The following NEDD1 variants were observed in gnomAD, a reference collection of about 807,000 sequenced individuals.
NEDD1 encodes the protein protein NEDD1.
Under a neutral mutation model 74.0 loss-of-function variants are expected in NEDD1, and 33 were observed. The observed-to-expected ratio is 0.45, with a 90% CI of 0.34 to 0.60. The LOEUF is 0.60. NEDD1 is among the 20% of genes least tolerant of loss of function. NEDD1 has a pLI of 0.01. For missense variants in NEDD1, 746 were observed against 776.5 expected, an observed-to-expected ratio of 0.96 and a Z score of 0.47; for synonymous variants, 250 against 264.4, an observed-to-expected ratio of 0.95 and a Z score of 0.53.
At position 96,936,605 on chromosome 12, in the gene NEDD1, C is replaced by T. The variant is rs192012104; in HGVS notation, c.720-6C>T. On this transcript the variant is annotated splice_polypyrimidine_tract_variant and splice_region_variant and intron_variant, in intron 7 of 15. Coordinates refer to ENST00000266742, the MANE Select transcript of NEDD1 (RefSeq NM_152905.4). Reference sequence around the variant, plus strand: ...TTCTACACATACTTTGTTCTCCTTTCCAAAGGCTAGTGAAAACTTTAGTGG... The same window carrying T: ...TTCTACACATACTTTGTTCTCCTTTTCAAAGGCTAGTGAAAACTTTAGTGG... 2.3e-5 allele frequency: 37 copies of T among 1,606,200 alleles called. No homozygotes were observed. In the Admixed American group the frequency reaches 5.7e-4, roughly 25 times the overall value.
At chr12:96,951,210 C>T (rs762366234) in intron 14 of NEDD1, among the ~76,000 whole-genome samples, 4 of 151,824 alleles carry the variant, frequency 2.6e-5, no homozygotes, top group Admixed American at 1.3e-4. Flanking sequence ...GTAATAATTG[C>T]ATCTACTTGT....
Position 96,936,353 on chromosome 12 carries a change from A to G in NEDD1, c.720-258A>G, listed in dbSNP as rs541407688. Among the ~76,000 whole-genome samples, 224 of 151,684 alleles carry G rather than the reference A, an allele frequency of 1.5e-3. 1 individual carries two copies. The highest frequency in any genetic ancestry group is 2.5e-3 in the Non-Finnish European group (170 of 67,936). On this transcript the variant is annotated intron_variant, in intron 7 of 15. Coordinates refer to ENST00000266742, the MANE Select transcript of NEDD1 (RefSeq NM_152905.4). ...AATTAAAGAAATAGGTGCTGCTTCT[A>G]TAAGATGCAGAATGTACCTATTGGA...
intron 5 of NEDD1, among the ~76,000 whole-genome samples, chr12:96,918,177 T>G (rs78165489): frequency 0.013 from 1,985 of 151,812 alleles, 68 homozygotes; most frequent in East Asian, 0.095. Context: ...TGTTTTTTTT[T>G]TGTGTGTGTG....
chr12:96,920,376 ATAG>A (rs1018726245), intron 6 of NEDD1, among the ~76,000 whole-genome samples: 13 of 152,174 alleles, frequency 8.5e-5, no homozygotes, highest in African/African-American at 2.9e-4. Flanking sequence ...TAAAATACAA[ATAG>A]TTGTTAATAG....
At position 96,951,512 on chromosome 12, in the gene NEDD1, A is replaced by G. The variant is rs1227267623; in HGVS notation, c.1878+14A>G. 4.5e-6 allele frequency: 6 copies of G among 1,333,542 alleles called. No homozygotes were observed. Among genetic ancestry groups the G allele is most frequent in the Non-Finnish European group, 5.3e-6 (5 of 939,564 alleles). The allele number at this position is 1,333,542 out of a possible 1,614,324, so 82.6% of individuals were successfully genotyped here. On this transcript the variant is annotated intron_variant, in intron 15 of 15. Coordinates refer to ENST00000266742, the MANE Select transcript of NEDD1 (RefSeq NM_152905.4). ...CATATGCAACTGGTATGTATGGCAAATTTTATTTTAATATTTTAAATGAAA... is the reference window on the plus strand; with the variant it reads ...CATATGCAACTGGTATGTATGGCAAGTTTTATTTTAATATTTTAAATGAAA...
intron 6 of NEDD1, chr12:96,924,841 A>G: frequency 2.2e-6 from 1 of 453,838 alleles, no homozygotes; most frequent in East Asian, 7.0e-5. Context: ...AGGCTCTCCA[A>G]TCCAGTGTTG....
chr12:96,909,233 G>A lies in NEDD1; in HGVS notation c.-8-519G>A, dbSNP rs374812773. On this transcript the variant is annotated intron_variant, in intron 2 of 15. Transcript: ENST00000266742. ...AAGTGCTATGAAAAAAATGAAATCA[G>A]GTATTGGGATATAGGGTAAACTGCT... Among the ~76,000 whole-genome samples, 40 of 151,890 alleles carry A rather than the reference G, an allele frequency of 2.6e-4. No homozygotes were observed. In the East Asian group the frequency reaches 6.6e-3, roughly 25 times the overall value.
intron 2 of NEDD1, among the ~76,000 whole-genome samples, chr12:96,908,679 G>A (rs1385540358): frequency 6.6e-6 from 1 of 152,154 alleles, no homozygotes; most frequent in Non-Finnish European, 1.5e-5. Flanking sequence ...ACTTAGTGGC[G>A]TCTCATTTGA....
chr12:96,927,690 A>G (rs779097192), intron 6 of NEDD1, among the ~76,000 whole-genome samples: 6 of 152,224 alleles, frequency 3.9e-5, no homozygotes, highest in Non-Finnish European at 8.8e-5. Context: ...TGTTTTATGT[A>G]TAGATTTTGT....
At chr12:96,945,546 A>G (rs980872291) in intron 13 of NEDD1, 147 bp from the exon 14 acceptor site, 26 of 588,458 alleles carry the variant, frequency 4.4e-5, no homozygotes, top group Non-Finnish European at 6.9e-5. Flanking sequence ...TAAGATTTGT[A>G]TTCCAGACAG....
chr12:96,948,346 A>G (rs1037543234), intron 14 of NEDD1, among the ~76,000 whole-genome samples: 1 of 152,144 alleles, frequency 6.6e-6, no homozygotes. Context: ...ATTCTAAACT[A>G]TCAAGCAGTG....
intron 9 of NEDD1, among the ~76,000 whole-genome samples, chr12:96,939,712 C>G (rs940155765): frequency 2.0e-5 from 3 of 151,950 alleles, no homozygotes; most frequent in Non-Finnish European, 2.9e-5. Flanking sequence ...TTAAAAGGTC[C>G]CTACTCTAAA....
chr12:96,925,456 CCAGGACTTT>C (rs1875592287), intron 6 of NEDD1, among the ~76,000 whole-genome samples: 1 of 152,096 alleles, frequency 6.6e-6, no homozygotes, highest in African/African-American at 2.4e-5. Context: ...AAAACAGATT[CCAGGACTTT>C]CAGATCATAC....
At chr12:96,947,708 G>T (rs1403439195) in intron 14 of NEDD1, among the ~76,000 whole-genome samples, 4 of 152,204 alleles carry the variant, frequency 2.6e-5, no homozygotes, top group Admixed American at 2.6e-4. Flanking sequence ...CTGCCCTGCT[G>T]CCAGCTTTCG....
chr12:96,949,854 C>G (rs1323416391), intron 14 of NEDD1, among the ~76,000 whole-genome samples: 1 of 151,874 alleles, frequency 6.6e-6, no homozygotes, highest in Non-Finnish European at 1.5e-5. Context: ...AGTATAGATT[C>G]CATGCAATTG....
At position 96,920,114 on chromosome 12, in the gene NEDD1, G is replaced by A. The variant is rs761365260; in HGVS notation, c.478G>A (p.Gly160Ser). The change falls in exon 6 of 16, where the codon GGT becomes AGT. Residue 160 changes from glycine to serine, a missense_variant. By Grantham distance (56) the Gly-to-Ser change is moderately conservative. Around this residue, in one of 3 missense-constraint regions of NEDD1, gnomAD observed 706 missense variants for 706.7 expected, o/e 1.00. Coordinates refer to ENST00000266742, the MANE Select transcript of NEDD1 (RefSeq NM_152905.4). ...TTTATCTAGTACTCCTTTTGGCCAT[G>A]GTAGTAACCAGGTACAGTATGAGTT... is the stretch of plus-strand genomic sequence containing the variant. ...TNLSSTPFGH[G>S]SNQSVRHLKY... 2.4e-5 allele frequency: 39 copies of A among 1,592,876 alleles called. No homozygotes were observed. The highest frequency in any genetic ancestry group is 3.1e-5 in the Non-Finnish European group (36 of 1,166,852).
In NEDD1 at chr12:96,909,915, A is replaced by AACACAC. The variant is rs75007264; in HGVS notation, c.136+34_136+39dup. 1 of 1,343,556 alleles carries AACACAC rather than the reference A, an allele frequency of 7.4e-7. No individual in the cohort carries two copies. The highest frequency in any genetic ancestry group is 1.4e-5 in the South Asian group (1 of 73,270). 83.2% of individuals were successfully genotyped at this position (1,343,556 alleles called of 1,614,324 possible). The stretch of plus-strand genomic sequence containing the variant: ...GCAATAGTATCCTTTAAAAAAAAAA[A>AACACAC]ACACACACACACACACACAAACCGC... On this transcript the variant is annotated intron_variant, in intron 3 of 15. Transcript: ENST00000266742.
At chr12:96,910,448 T>C (rs1408051889) in intron 3 of NEDD1, among the ~76,000 whole-genome samples, 1 of 152,194 alleles carries the variant, frequency 6.6e-6, no homozygotes, top group Non-Finnish European at 1.5e-5. Context: ...ATAGTAAAGT[T>C]ACCTAGATTG....
intron 4 of NEDD1, among the ~76,000 whole-genome samples, chr12:96,913,853 T>G (rs1176173111): frequency 6.6e-6 from 1 of 152,182 alleles, no homozygotes; most frequent in African/African-American, 2.4e-5. Flanking sequence ...CTTAAATTAT[T>G]ATGAATTGTC....
Sources: gnomAD v4.1 joint callset for allele counts (sites outside exome capture counted in the v4.1 genomes callset) on GRCh38, gnomAD v4.1.1 for gene constraint, gnomAD v4.1.1 regional missense constraint, MANE v1.5 for transcripts, NCBI Gene and HGNC (gene_info 2026-07-23, HGNC 2026-07-21) for gene names.